The following TTC39C variants were observed in gnomAD, a reference collection of about 807,000 sequenced individuals.
TTC39C encodes the protein tetratricopeptide repeat protein 39C.
In TTC39C, 33 loss-of-function variants were observed where a neutral mutation model predicts 76.3. That is an observed-to-expected ratio of 0.43 (90% confidence interval 0.33 to 0.58). The LOEUF (loss-of-function observed/expected upper bound fraction) is 0.58, where lower values mean the gene tolerates loss of function less well. Among genes scored for constraint, TTC39C ranks in the 20% least tolerant of loss-of-function variants. The pLI is 0.04. For missense variants in TTC39C, 595 were observed against 701.4 expected, an observed-to-expected ratio of 0.85 and a Z score of 1.71; for synonymous variants, 254 against 260.6, an observed-to-expected ratio of 0.97 and a Z score of 0.24.
chr18:24,125,397 A>C, intron 9 of TTC39C, 30 bp from the exon 10 acceptor site: 1 of 1,613,068 alleles, frequency 6.2e-7, no homozygotes, highest in East Asian at 2.2e-5. Context: ...TTTTTGAAAA[A>C]TGTAGCCTGT....
In TTC39C at chr18:24,023,945, TGC is replaced by T. The variant is rs371498973; in HGVS notation, c.167+8908_167+8909del. On this transcript the variant is annotated intron_variant, in intron 1 of 13. Coordinates refer to ENST00000317571, the MANE Select transcript of TTC39C (RefSeq NM_001135993.2). ...CCAAATAAAATTACATATATATATATGCATGTATATATATATATATATATATA... is the reference window on the plus strand; with the variant it reads ...CCAAATAAAATTACATATATATATATATGTATATATATATATATATATATA... 6.0e-3 allele frequency among the ~76,000 whole-genome samples: 380 copies of T among 63,404 alleles called. 11 individuals carry two copies. The highest frequency in any genetic ancestry group is 0.021 in the South Asian group (31 of 1,442). 41.6% of individuals were successfully genotyped at this position (63,404 alleles called of 152,430 possible).
At chr18:24,033,074 G>A (rs1368282835) in intron 1 of TTC39C, among the ~76,000 whole-genome samples, 11 of 152,132 alleles carry the variant, frequency 7.2e-5, no homozygotes, top group African/African-American at 1.7e-4. Flanking sequence ...CCAACATGGC[G>A]AGAGCCTGTC....
At chr18:24,089,707 G>A (rs1254731859) in intron 6 of TTC39C, among the ~76,000 whole-genome samples, 1 of 152,162 alleles carries the variant, frequency 6.6e-6, no homozygotes, top group Non-Finnish European at 1.5e-5. Context: ...CTAAGAGGAT[G>A]AGCTTTCCCT....
Position 24,130,323 on chromosome 18 carries a change from G to T in TTC39C, c.1529G>T (p.Arg510Leu). ...TTGCATTCCTTTCAGTACTTCCAGC[G>T]AGCTGTTAAAGATGAATTGTGTCGT... ...NSEDAVQYFQ[R>L]AVKDELCRQN... Residue 510 changes from arginine (R) to leucine (L), a missense_variant, in exon 12 of 14, where the codon CGA (arginine) becomes CTA (leucine). Transcript: ENST00000317571. The T allele has an allele frequency of 6.4e-7, 1 of 1,570,898 alleles. No individual in the cohort carries two copies. Among genetic ancestry groups the T allele is most frequent in the Middle Eastern group, 1.7e-4 (1 of 5,982 alleles).
At chr18:24,104,021 T>C (rs181833812) in intron 6 of TTC39C, among the ~76,000 whole-genome samples, 2 of 151,590 alleles carry the variant, frequency 1.3e-5, no homozygotes, top group Admixed American at 1.3e-4. Flanking sequence ...AACCTCCACC[T>C]TCTGGGTTCA....
chr18:24,000,865 C>A (rs568428775), intron 1 of TTC39C, among the ~76,000 whole-genome samples: 1 of 152,120 alleles, frequency 6.6e-6, no homozygotes, highest in Non-Finnish European at 1.5e-5. Context: ...CCAGTAATCT[C>A]GTGAAGTAAA....
At chr18:24,010,235 C>G (rs1324564627), upstream of TTC39C, among the ~76,000 whole-genome samples, 3 of 152,178 alleles carry the variant, frequency 2.0e-5, no homozygotes, top group African/African-American at 7.2e-5. Flanking sequence ...GATACAGAAA[C>G]AGTCAGGTTG....
At position 24,118,284 on chromosome 18, in the gene TTC39C, G is replaced by A. The variant is rs762531774; in HGVS notation, c.1186+52G>A. 22 of 1,441,024 alleles carry A rather than the reference G, an allele frequency of 1.5e-5. No homozygotes were observed. The East Asian group carries it at 1.8e-4, about 12-fold the overall frequency. 89.3% of individuals were successfully genotyped at this position (1,441,024 alleles called of 1,614,324 possible). ...GCCTCTCTCTGTCGTGAATTAGCTC[G>A]CCTGACGTGGGCAGATGGGAGAATG... On this transcript the variant is annotated intron_variant, in intron 8 of 13. Transcript: ENST00000317571.
intron 6 of TTC39C, among the ~76,000 whole-genome samples, chr18:24,095,053 C>T (rs1387814195): frequency 2.0e-5 from 3 of 152,230 alleles, no homozygotes; most frequent in Non-Finnish European, 4.4e-5. Flanking sequence ...GTATAGCCTC[C>T]TTCATCAATG....
intron 1 of TTC39C, among the ~76,000 whole-genome samples, chr18:24,063,819 C>T (rs1568423945): frequency 6.6e-6 from 1 of 152,080 alleles, no homozygotes; most frequent in Non-Finnish European, 1.5e-5. Flanking sequence ...TGGCCTGTTT[C>T]TACTATCTTT....
chr18:24,129,401 C>A (rs181022536), intron 11 of TTC39C, among the ~76,000 whole-genome samples: 1 of 152,026 alleles, frequency 6.6e-6, no homozygotes, highest in African/African-American at 2.4e-5. Context: ...GGGGGTCAAG[C>A]GAGAGAGTTG....
chr18:24,062,766 G>C (rs9963746), intron 1 of TTC39C, among the ~76,000 whole-genome samples: 142,179 of 152,322 alleles, frequency 0.93, 66,608 homozygotes, highest in Non-Finnish European at 0.96. Flanking sequence ...CACACACACT[G>C]TCTTTCTCTG....
At chr18:24,081,419 G>A (rs567772507) in intron 5 of TTC39C, among the ~76,000 whole-genome samples, 2 of 152,176 alleles carry the variant, frequency 1.3e-5, no homozygotes, top group East Asian at 3.9e-4. Context: ...TATGTTCCTT[G>A]GTTTAAACTT....
rs897252096 is a variant in TTC39C, at chr18:24,114,220, C to T, written c.985-334C>T. The T allele has an allele frequency of 6.0e-5, 16 of 268,228 alleles. 1 individual carries two copies. The highest frequency in any genetic ancestry group is 3.5e-4 in the South Asian group (8 of 22,616). The allele number at this position is 268,228 out of a possible 1,614,324, so 16.6% of individuals were successfully genotyped here. On this transcript the variant is annotated intron_variant, in intron 6 of 13. Transcript: ENST00000317571. ...TGTGAGAGAACGCTGGAGGAGAAGG[C>T]GGCGCGAGCTGAGCCCTTACCACCT...
At position 24,134,635 on chromosome 18, in the gene TTC39C, G is replaced by A. The variant is rs1330031630; in HGVS notation, c.*2061G>A. 6.6e-6 allele frequency: 1 copy of A among 152,046 alleles called. No homozygotes were observed. Among genetic ancestry groups the A allele is most frequent in the African/African-American group, 2.4e-5 (1 of 41,390 alleles). The allele number at this position is 152,046 out of a possible 1,614,324, so 9.4% of individuals were successfully genotyped here. On this transcript the variant is annotated 3_prime_UTR_variant, in exon 14 of 14. Transcript: ENST00000317571. Reference sequence around the variant, plus strand: ...CATTATGAATCTTTAAAATACGGCTGTTGCCATTTTTCTCTCTTCTTAACA... The same window carrying A: ...CATTATGAATCTTTAAAATACGGCTATTGCCATTTTTCTCTCTTCTTAACA...
At chr18:24,059,873 C>T (rs376372265) in intron 1 of TTC39C, among the ~76,000 whole-genome samples, 16 of 152,196 alleles carry the variant, frequency 1.1e-4, no homozygotes, top group African/African-American at 3.9e-4. Flanking sequence ...CTCACAATCA[C>T]GGCAGAAGGC....
chr18:24,047,865 T>A (rs2083904804), intron 1 of TTC39C, among the ~76,000 whole-genome samples: 1 of 152,244 alleles, frequency 6.6e-6, no homozygotes, highest in Admixed American at 6.5e-5. Context: ...ATGAACCTGA[T>A]GTGAGTATTA....
chr18:24,051,665 G>T (rs2083950891), intron 1 of TTC39C, among the ~76,000 whole-genome samples: 2 of 152,240 alleles, frequency 1.3e-5, no homozygotes, highest in African/African-American at 4.8e-5. Context: ...CATGGTTTGA[G>T]TCATGTCTGA....
rs765416862 is a variant in TTC39C, at chr18:24,135,446, C to G, written c.*2872C>G. 1 of 153,096 alleles carries G rather than the reference C, an allele frequency of 6.5e-6. No individual in the cohort carries two copies. The highest frequency in any genetic ancestry group is 2.1e-4 in the South Asian group (1 of 4,820). 9.5% of individuals were successfully genotyped at this position (153,096 alleles called of 1,614,324 possible). On this transcript the variant is annotated 3_prime_UTR_variant, in exon 14 of 14. Transcript: ENST00000317571. ...AAAACCACAGTGTGAGTACACTGTC[C>G]CATTAGGTTGACTGAAGTCTGAGTA...
Sources: gnomAD v4.1 joint callset for allele counts (sites outside exome capture counted in the v4.1 genomes callset) on GRCh38, gnomAD v4.1.1 for gene constraint, MANE v1.5 for transcripts, NCBI Gene and HGNC (gene_info 2026-07-23, HGNC 2026-07-21) for gene names.